Variants in PCDHA3 observed in about 807,000 individuals in gnomAD.
PCDHA3 encodes protocadherin alpha-3.
PCDHA3 carries 41 observed loss-of-function variants against 62.2 expected under a neutral mutation model. The observed-to-expected ratio is 0.66, with a 90% CI of 0.51 to 0.86. The LOEUF is 0.86. PCDHA3 is among the 40% of genes least tolerant of loss of function. The probability of loss-of-function intolerance (pLI) is 0.00; values close to 1 mark genes in which losing one functional copy is unlikely to be tolerated. For missense variants in PCDHA3, 1,304 were observed against 1,241.2 expected (o/e 1.05, Z -0.76); for synonymous variants, 640 against 555.4 (o/e 1.15, Z -2.14).
chr5:140,999,056 C>T (rs1256829495), intron 3 of PCDHA3, among the ~76,000 whole-genome samples: 4 of 152,212 alleles, frequency 2.6e-5, no homozygotes, highest in Non-Finnish European at 5.9e-5. Context: ...TCCACCATGC[C>T]TAAGTAGTCT....
At chr5:140,856,264 C>G in intron 1 of PCDHA3, 2 of 1,598,114 alleles carry the variant, frequency 1.3e-6, no homozygotes, top group Non-Finnish European at 1.7e-6. Flanking sequence ...GACACGGGGA[C>G]CTTCTGGAGG....
intron 3 of PCDHA3, among the ~76,000 whole-genome samples, chr5:140,986,846 A>G (rs782028314): frequency 6.6e-6 from 1 of 152,200 alleles, no homozygotes; most frequent in Non-Finnish European, 1.5e-5. Flanking sequence ...AAGGGGCAGC[A>G]ACACCAACAA....
chr5:140,803,623 G>A (rs1763251132), intron 1 of PCDHA3, 32 bp downstream of exon 1: 3 of 1,613,908 alleles, frequency 1.9e-6, no homozygotes, highest in South Asian at 1.1e-5. Context: ...TTTCCAAAAT[G>A]TCTTTGTTTT....
At position 140,802,076 on chromosome 5, in the gene PCDHA3, C is replaced by A. The variant is rs1762843843; in HGVS notation, c.879C>A (p.Phe293Leu). Residue 293 changes from phenylalanine to leucine, a missense_variant, in exon 1 of 4, where the codon TTC becomes TTA. Transcript: ENST00000522353. ...TGTCAGCAGATATTCTGTCAAAATT[C>A]CATTTAGATCCAGTCAATGGACAAA... ...TDMSADILSK[F>L]HLDPVNGQIS... 5 of 1,614,126 alleles carry A rather than the reference C, an allele frequency of 3.1e-6. No homozygotes were observed. The Middle Eastern group carries it at 4.9e-4, about 160-fold the overall frequency.
At chr5:140,806,995 C>A in intron 1 of PCDHA3, 1 of 684,992 alleles carries the variant, frequency 1.5e-6, no homozygotes, top group Non-Finnish European at 2.4e-6. Flanking sequence ...CACATGATGT[C>A]GCTCTTTACC....
At chr5:141,001,314 T>A (rs34374778) in intron 3 of PCDHA3, among the ~76,000 whole-genome samples, 7,675 of 152,288 alleles carry the variant, frequency 0.05, 243 homozygotes, top group South Asian at 0.11. Flanking sequence ...TGAAATAATT[T>A]GCCAAACATC....
At chr5:140,995,500 G>A (rs541415385) in intron 3 of PCDHA3, among the ~76,000 whole-genome samples, 22 of 152,298 alleles carry the variant, frequency 1.4e-4, no homozygotes, top group Admixed American at 1.2e-3. Flanking sequence ...AAGGTTGACT[G>A]TGGGTAACTG....
At position 140,877,303 on chromosome 5, in the gene PCDHA3, T is replaced by C. The variant is rs566187421; in HGVS notation, c.2394+73712T>C. 3.5e-4 allele frequency: 564 copies of C among 1,613,850 alleles called. 6 individuals are homozygous for C. In the South Asian group the frequency reaches 5.9e-3, roughly 17 times the overall value. On this transcript the variant is annotated intron_variant, in intron 1 of 3. Transcript: ENST00000522353. ...CTATAACGCTTGGCTGTCCTACGAGTTGCAACCGGCGGCGGTCGGCGCGCA... is the reference window on the plus strand; with the variant it reads ...CTATAACGCTTGGCTGTCCTACGAGCTGCAACCGGCGGCGGTCGGCGCGCA...
intron 1 of PCDHA3, among the ~76,000 whole-genome samples, chr5:140,819,477 A>T (rs1335807902): frequency 6.6e-6 from 1 of 152,148 alleles, no homozygotes; most frequent in Non-Finnish European, 1.5e-5. Context: ...TTACACAATG[A>T]TGCTTAAACA....
intron 1 of PCDHA3, chr5:140,876,391 G>T: frequency 6.2e-7 from 1 of 1,613,920 alleles, no homozygotes; most frequent in South Asian, 1.1e-5. Context: ...AATTTATGGT[G>T]AACTGGATTT....
Position 140,802,614 on chromosome 5 carries a change from C to T in PCDHA3, c.1417C>T (p.His473Tyr). ...GAAGGAGAACAACCCGCCGGGCTGC[C>T]ACATCTTCACGGTGTCTGCGCGGGA... Reference protein sequence around the residue: ...FVKENNPPGCHIFTVSARDAD... With the variant: ...FVKENNPPGCYIFTVSARDAD... Residue 473 changes from histidine to tyrosine, a missense_variant, in exon 1 of 4, where the codon CAC becomes TAC. Coordinates refer to ENST00000522353, the MANE Select transcript of PCDHA3 (RefSeq NM_018906.3). 3 of 1,614,048 alleles carry T rather than the reference C, an allele frequency of 1.9e-6. No homozygotes were observed. In the South Asian group the frequency reaches 3.3e-5, roughly 18 times the overall value.
intron 1 of PCDHA3, among the ~76,000 whole-genome samples, chr5:140,873,824 C>A (rs1411429273): frequency 6.6e-6 from 1 of 152,118 alleles, no homozygotes; most frequent in Non-Finnish European, 1.5e-5. Flanking sequence ...CCACTCCTGG[C>A]TAATTTTTGT....
chr5:140,836,071 C>T lies in PCDHA3; in HGVS notation c.2394+32480C>T, dbSNP rs2150251957. 10 of 1,613,504 alleles carry T rather than the reference C, an allele frequency of 6.2e-6. No homozygotes were observed. The East Asian group carries it at 1.8e-4, about 29-fold the overall frequency. The stretch of plus-strand genomic sequence containing the variant: ...GTGCTGGACGAGAACGACAACGCGC[C>T]GGCACTGCTGGCGCCTCGGGTGGGT... On this transcript the variant is annotated intron_variant, in intron 1 of 3. Transcript: ENST00000522353.
intron 1 of PCDHA3, chr5:140,807,687 T>G (rs782423945): frequency 5.6e-6 from 9 of 1,614,228 alleles, no homozygotes; most frequent in Admixed American, 1.7e-5. Context: ...GAGAACGCCC[T>G]GCTCACTTAC....
intron 1 of PCDHA3, chr5:140,967,093 G>T: frequency 6.2e-7 from 1 of 1,613,122 alleles, no homozygotes; most frequent in Non-Finnish European, 8.5e-7. Flanking sequence ...ATCGGGAGGC[G>T]CTGTGTGAGC....
chr5:140,871,525 A>T, intron 1 of PCDHA3: 1 of 1,546,090 alleles, frequency 6.5e-7, no homozygotes, highest in Non-Finnish European at 8.7e-7. Flanking sequence ...ACCTATCAGG[A>T]AGTGTATGTG....
At chr5:141,000,210 A>G (rs1475631796) in intron 3 of PCDHA3, among the ~76,000 whole-genome samples, 3 of 151,622 alleles carry the variant, frequency 2.0e-5, no homozygotes, top group Non-Finnish European at 2.9e-5. Context: ...CACCTTCATT[A>G]TCAAATGCCT....
chr5:140,843,106 C>G lies in PCDHA3; in HGVS notation c.2394+39515C>G, dbSNP rs1265467066. The G allele has an allele frequency of 1.2e-5, 19 of 1,595,592 alleles. 3 individuals are homozygous for G. The highest frequency in any genetic ancestry group is 1.6e-5 in the Non-Finnish European group (19 of 1,165,474). ...CGGGCCACGTGGTAGCGAAGGTGCG[C>G]GCAGTGGACGCCGACTCGGGCTACA... is the stretch of plus-strand genomic sequence containing the variant. On this transcript the variant is annotated intron_variant, in intron 1 of 3. Transcript: ENST00000522353.
chr5:141,000,393 CTCTA>C (rs1240848742), intron 3 of PCDHA3, among the ~76,000 whole-genome samples: 128 of 52,788 alleles, frequency 2.4e-3, no homozygotes, highest in Admixed American at 6.8e-3. Context: ...CTCTCTCTCT[CTCTA>C]TATATATATA....
Sources: allele counts gnomAD v4.1 joint callset (sites outside exome capture counted in the v4.1 genomes callset), GRCh38; gene constraint gnomAD v4.1.1; transcripts MANE v1.5; gene names NCBI Gene and HGNC (gene_info 2026-07-23, HGNC 2026-07-21).